Variants in AGPAT4 observed in about 807,000 individuals in gnomAD.
The protein encoded by AGPAT4 is 1-acylglycerol-3-phosphate O-acyltransferase 4, also known as 1-acyl-sn-glycerol-3-phosphate acyltransferase delta.
A neutral mutation model predicts 48.0 loss-of-function variants in AGPAT4; 15 were observed. The observed-to-expected ratio is 0.31, with a 90% CI of 0.21 to 0.48. The LOEUF (loss-of-function observed/expected upper bound fraction) is 0.48. AGPAT4 is among the 20% of genes least tolerant of loss of function. The probability of loss-of-function intolerance (pLI) is 0.99; values close to 1 mark genes in which losing one functional copy is unlikely to be tolerated. For synonymous variants in AGPAT4, 178 were observed against 198.7 expected, an observed-to-expected ratio of 0.90 and a Z score of 0.88; for missense variants, 314 against 482.5, an observed-to-expected ratio of 0.65 and a Z score of 3.27.
chr6:161,147,500 T>C lies in AGPAT4; in HGVS notation c.768-901A>G, dbSNP rs914182305. 1.3e-5 allele frequency among the ~76,000 whole-genome samples: 2 copies of C among 152,174 alleles called. No homozygotes were observed. The highest frequency in any genetic ancestry group is 2.9e-5 in the Non-Finnish European group (2 of 68,032). ...CCTAAGAATATCTTAGTAAGAAGAT[T>C]TGAGAGTTTATCTATCACACTAGAG... On this transcript the variant is annotated intron_variant, in intron 6 of 8. Transcript: ENST00000320285. This position sits in a 1 kb window ranked among gnomAD's most constrained non-coding sequence, Gnocchi z 4.8.
chr6:161,161,281 G>T lies in AGPAT4; in HGVS notation c.348+4967C>A, dbSNP rs879225388. 2.2e-6 allele frequency: 1 copy of T among 456,742 alleles called. No homozygotes were observed. Among genetic ancestry groups the T allele is most frequent in the Middle Eastern group, 3.3e-4 (1 of 3,076 alleles). 28.3% of individuals were successfully genotyped at this position (456,742 alleles called of 1,614,324 possible). Reference sequence around the variant, plus strand: ...AGCATGCGCTCCCACCTCCAGGATGGTAGTCGGTATGAACCCGCGGTGCAG... The same window carrying T: ...AGCATGCGCTCCCACCTCCAGGATGTTAGTCGGTATGAACCCGCGGTGCAG... On this transcript the variant is annotated intron_variant, in intron 3 of 8. Transcript: ENST00000320285. The surrounding 1 kb of genome is among the most constrained non-coding windows in gnomAD (Gnocchi z 4.6).
rs1782206543 is a variant in AGPAT4 at position 161,234,290 on chromosome 6, G to A, written c.-89-1988C>T. Among the ~76,000 whole-genome samples the A allele has an allele frequency of 6.6e-6, 1 of 152,190 alleles. No individual in the cohort carries two copies. Among genetic ancestry groups the A allele is most frequent in the East Asian group, 1.9e-4 (1 of 5,190 alleles). ...AGATTCCTATACATTTCTGATAGGA[G>A]GGAAATGGGAAGAAGCTTTCGGCCT... is the stretch of plus-strand genomic sequence containing the variant. On this transcript the variant is annotated intron_variant, in intron 1 of 8. Transcript: ENST00000320285. This position sits in a 1 kb window ranked among gnomAD's most constrained non-coding sequence, Gnocchi z 4.4.
In AGPAT4 at chr6:161,221,765, G is replaced by A. The variant is rs377392737; in HGVS notation, c.178+10271C>T. On this transcript the variant is annotated intron_variant, in intron 2 of 8. Coordinates refer to ENST00000320285, the MANE Select transcript of AGPAT4 (RefSeq NM_020133.3). This position sits in a 1 kb window ranked among gnomAD's most constrained non-coding sequence, Gnocchi z 4.5. ...CACAGCTCTCTCCCAGCGGCTGGGAGCCAGGTGTTCCTTGGCTTGCAGGGG... is the reference window on the plus strand; with the variant it reads ...CACAGCTCTCTCCCAGCGGCTGGGAACCAGGTGTTCCTTGGCTTGCAGGGG... Among the ~76,000 whole-genome samples the A allele has an allele frequency of 4.7e-4, 71 of 152,166 alleles. No individual in the cohort carries two copies. The highest frequency in any genetic ancestry group is 1.7e-3 in the African/African-American group (69 of 41,442).
At position 161,243,607 on chromosome 6, in the gene AGPAT4, G is replaced by A. The variant is rs959937257; in HGVS notation, c.-89-11305C>T. The stretch of plus-strand genomic sequence containing the variant: ...GAGGTGAAATTCCCTGCCTCCCACC[G>A]TGCTGTAACAATTACACACAGGAAG... On this transcript the variant is annotated intron_variant, in intron 1 of 8. Transcript: ENST00000320285. The surrounding 1 kb of genome is among the most constrained non-coding windows in gnomAD (Gnocchi z 4.8). Among the ~76,000 whole-genome samples the A allele has an allele frequency of 2.0e-5, 3 of 152,224 alleles. No homozygotes were observed. Among genetic ancestry groups the A allele is most frequent in the Middle Eastern group, 3.4e-3 (1 of 294 alleles).
chr6:161,179,865 T>C (rs1293884776), intron 2 of AGPAT4, among the ~76,000 whole-genome samples: 18 of 152,234 alleles, frequency 1.2e-4, no homozygotes, highest in Admixed American at 1.2e-3. Context: ...CAACTGTTTG[T>C]TATTGGTAAG....
intron 2 of AGPAT4, among the ~76,000 whole-genome samples, chr6:161,173,900 C>G (rs537813245): frequency 6.6e-6 from 1 of 152,066 alleles, no homozygotes; most frequent in Admixed American, 6.6e-5. Context: ...TATTAAATAG[C>G]GAATCCTTTC....
At chr6:161,150,421 A>G (rs1779554465) in intron 5 of AGPAT4, among the ~76,000 whole-genome samples, 1 of 152,240 alleles carries the variant, frequency 6.6e-6, no homozygotes, top group South Asian at 2.1e-4. Context: ...TGTTCAATAA[A>G]TGATGAGCCA....
At position 161,258,263 on chromosome 6, in the gene AGPAT4, C is replaced by T. The variant is rs148864072; in HGVS notation, c.-90+15675G>A. On this transcript the variant is annotated intron_variant, in intron 1 of 8. Transcript: ENST00000320285. The stretch of plus-strand genomic sequence containing the variant: ...AAGTGACTTCCCTTGGCTGCAATAA[C>T]GGAAGTAACTCAAAATGACTGCACT... Among the ~76,000 whole-genome samples the T allele has an allele frequency of 2.0e-4, 30 of 152,296 alleles. No homozygotes were observed. The East Asian group carries it at 5.6e-3, about 28-fold the overall frequency.
intron 2 of AGPAT4, among the ~76,000 whole-genome samples, chr6:161,205,742 A>ATAG (rs1371684925): frequency 2.2e-5 from 2 of 92,060 alleles, no homozygotes; most frequent in African/African-American, 1.1e-4. Flanking sequence ...AATTACAATA[A>ATAG]TAATAATAAT....
In AGPAT4 at chr6:161,138,103, A is replaced by AC. The variant is rs1383702638; in HGVS notation, c.1042+1318dup. ...CCCCCGCCCTACCAGGGGCCCTGGC[A>AC]CCTGCAGCTGCCCCGGACCCTTGGC... On this transcript the variant is annotated intron_variant, in intron 8 of 8. Coordinates refer to ENST00000320285, the MANE Select transcript of AGPAT4 (RefSeq NM_020133.3). This position sits in a 1 kb window ranked among gnomAD's most constrained non-coding sequence, Gnocchi z 4.8. Among the ~76,000 whole-genome samples the AC allele has an allele frequency of 6.6e-6, 1 of 152,194 alleles. No homozygotes were observed. Among genetic ancestry groups the AC allele is most frequent in the Non-Finnish European group, 1.5e-5 (1 of 68,036 alleles).
In AGPAT4 at chr6:161,139,314, C is replaced by T; in HGVS notation, c.1042+108G>A. ...CTGTGATTGCAAGCTGAGCCTGCTC[C>T]TCATCCACGGCACAACTGCCTATAC... On this transcript the variant is annotated intron_variant, in intron 8 of 8. Transcript: ENST00000320285. The surrounding 1 kb of genome is among the most constrained non-coding windows in gnomAD (Gnocchi z 9.1). 1 of 1,246,026 alleles carries T rather than the reference C, an allele frequency of 8.0e-7. No homozygotes were observed. The highest frequency in any genetic ancestry group is 1.1e-6 in the Non-Finnish European group (1 of 884,656). The allele number at this position is 1,246,026 out of a possible 1,614,324, so 77.2% of individuals were successfully genotyped here.
rs1414945626 is a variant in AGPAT4, at chr6:161,133,435, A to C, written c.*3105T>G. The C allele has an allele frequency of 6.6e-6, 1 of 152,194 alleles. No individual in the cohort carries two copies. Among genetic ancestry groups the C allele is most frequent in the African/African-American group, 2.4e-5 (1 of 41,450 alleles). 9.4% of individuals were successfully genotyped at this position (152,194 alleles called of 1,614,324 possible). ...TACTACTGTGTGATCATATGAAAAA[A>C]GTTGGTTTTCTCTCTGTCAAAGTCA... On this transcript the variant is annotated 3_prime_UTR_variant, in exon 9 of 9. Transcript: ENST00000320285.
chr6:161,247,472 CTT>C (rs376103049), intron 1 of AGPAT4, among the ~76,000 whole-genome samples: 1 of 152,018 alleles, frequency 6.6e-6, no homozygotes, highest in East Asian at 1.9e-4. Context: ...ATTTCAGAGG[CTT>C]TTTTTATTTT....
rs1431813259 is a variant in AGPAT4 at position 161,200,337 on chromosome 6, G to A, written c.178+31699C>T. ...ATTTCACATTAAGGCCTGTGTGCCA[G>A]GTACTATAGGAAGGGATGCACAGTA... is the stretch of plus-strand genomic sequence containing the variant. On this transcript the variant is annotated intron_variant, in intron 2 of 8. Coordinates refer to ENST00000320285, the MANE Select transcript of AGPAT4 (RefSeq NM_020133.3). The surrounding 1 kb of genome is among the most constrained non-coding windows in gnomAD (Gnocchi z 5.5). 1.3e-5 allele frequency among the ~76,000 whole-genome samples: 2 copies of A among 152,220 alleles called. No individual in the cohort carries two copies. The highest frequency in any genetic ancestry group is 2.9e-5 in the Non-Finnish European group (2 of 68,034).
chr6:161,132,688 G>A lies in AGPAT4; in HGVS notation c.*3852C>T, dbSNP rs1406689107. On this transcript the variant is annotated 3_prime_UTR_variant, in exon 9 of 9. Transcript: ENST00000320285. ...CTGTGAGCATGTTACACATGGGCTT[G>A]CCTAAGTATTTCCTTCTCTGTGAAC... 1 of 152,270 alleles carries A rather than the reference G, an allele frequency of 6.6e-6. No individual in the cohort carries two copies. The highest frequency in any genetic ancestry group is 2.4e-5 in the African/African-American group (1 of 41,468). 9.4% of individuals were successfully genotyped at this position (152,270 alleles called of 1,614,324 possible).
At position 161,136,386 on chromosome 6, in the gene AGPAT4, G is replaced by T; in HGVS notation, c.*154C>A. 3 of 630,988 alleles carry T rather than the reference G, an allele frequency of 4.8e-6. No individual in the cohort carries two copies. The highest frequency in any genetic ancestry group is 8.4e-6 in the Non-Finnish European group (3 of 357,088). 39.1% of individuals were successfully genotyped at this position (630,988 alleles called of 1,614,324 possible). ...TTACAAAACATCTTCCTCCCCATCC[G>T]GCCTTGAGACCAGACTCCCTGGCTG... is the stretch of plus-strand genomic sequence containing the variant. On this transcript the variant is annotated 3_prime_UTR_variant, in exon 9 of 9. Transcript: ENST00000320285.
Position 161,245,570 on chromosome 6 carries a change from C to T in AGPAT4, c.-89-13268G>A, listed in dbSNP as rs1582905728. ...GCTTACTTTTTGTGGGGTGGTTCAG[C>T]GAGGGGCTGCTCAGGGGAGCAGTTT... On this transcript the variant is annotated intron_variant, in intron 1 of 8. Transcript: ENST00000320285. This position sits in a 1 kb window ranked among gnomAD's most constrained non-coding sequence, Gnocchi z 5.2. Among the ~76,000 whole-genome samples the T allele has an allele frequency of 6.6e-6, 1 of 152,066 alleles. No homozygotes were observed. The highest frequency in any genetic ancestry group is 1.9e-4 in the East Asian group (1 of 5,196).
In AGPAT4 at chr6:161,208,941, C is replaced by G. The variant is rs912616127; in HGVS notation, c.178+23095G>C. ...ATTGGGGAACACAAGCAAACCCACA[C>G]CAGAAAGAGTCCCTAAAACGGCAAT... On this transcript the variant is annotated intron_variant, in intron 2 of 8. Transcript: ENST00000320285. This position sits in a 1 kb window ranked among gnomAD's most constrained non-coding sequence, Gnocchi z 4.6. Among the ~76,000 whole-genome samples the G allele has an allele frequency of 6.6e-6, 1 of 152,126 alleles. No homozygotes were observed. The highest frequency in any genetic ancestry group is 2.1e-4 in the South Asian group (1 of 4,830).
chr6:161,234,940 A>G lies in AGPAT4; in HGVS notation c.-89-2638T>C, dbSNP rs1782231947. 6.6e-6 allele frequency among the ~76,000 whole-genome samples: 1 copy of G among 152,054 alleles called. No homozygotes were observed. Among genetic ancestry groups the G allele is most frequent in the Admixed American group, 6.6e-5 (1 of 15,264 alleles). ...TACCGTGCGTAAAACCCTCACTAGC[A>G]ATGCATGAACCAGGGTCTCAGATAG... is the stretch of plus-strand genomic sequence containing the variant. On this transcript the variant is annotated intron_variant, in intron 1 of 8. Coordinates refer to ENST00000320285, the MANE Select transcript of AGPAT4 (RefSeq NM_020133.3). The surrounding 1 kb of genome is among the most constrained non-coding windows in gnomAD (Gnocchi z 4.4).
Sources: gnomAD v4.1 joint callset for allele counts (sites outside exome capture counted in the v4.1 genomes callset) on GRCh38, gnomAD v4.1.1 for gene constraint, Gnocchi (gnomAD v3.1) non-coding constraint, MANE v1.5 for transcripts, NCBI Gene and HGNC (gene_info 2026-07-23, HGNC 2026-07-21) for gene names.